The following TYR variants were observed in gnomAD, a reference collection of about 807,000 sequenced individuals.
The protein encoded by TYR is LB24-AB.
A neutral mutation model predicts 51.5 loss-of-function variants in TYR; 58 were observed. The observed-to-expected ratio is 1.13, with a 90% CI of 0.91 to 1.40. The LOEUF (loss-of-function observed/expected upper bound fraction) is 1.40, where lower values mean the gene tolerates loss of function less well. Among genes scored for constraint, TYR ranks in the 40% most tolerant of loss-of-function variants. The pLI, the probability that TYR is intolerant of heterozygous loss-of-function variation, is 0.00. For synonymous variants in TYR, 263 were observed against 235.2 expected, an observed-to-expected ratio of 1.12 and a Z score of -1.08; for missense variants, 732 against 647.4, an observed-to-expected ratio of 1.13 and a Z score of -1.42.
intron 3 of TYR, among the ~76,000 whole-genome samples, chr11:89,276,751 A>G (rs1209004771): frequency 6.6e-6 from 1 of 151,748 alleles, no homozygotes; most frequent in Non-Finnish European, 1.5e-5. Flanking sequence ...GAAAATCTAC[A>G]CATCAGACTT....
intron 3 of TYR, among the ~76,000 whole-genome samples, chr11:89,255,344 T>C (rs1412064881): frequency 6.6e-6 from 1 of 151,726 alleles, no homozygotes; most frequent in Non-Finnish European, 1.5e-5. Context: ...TTCTAGGGTA[T>C]AGTTTAAATC....
intron 2 of TYR, among the ~76,000 whole-genome samples, chr11:89,215,795 A>C (rs940711918): frequency 1.3e-5 from 2 of 152,108 alleles, no homozygotes; most frequent in African/African-American, 4.8e-5. Context: ...ATTTTTGGAG[A>C]GAGATCATTA....
intron 2 of TYR, among the ~76,000 whole-genome samples, chr11:89,207,904 A>G (rs1227683470): frequency 6.6e-6 from 1 of 152,224 alleles, no homozygotes; most frequent in African/African-American, 2.4e-5. Context: ...GGGAAATTGA[A>G]TAAGGAGCAC....
rs149149972 is a variant in TYR at position 89,269,959 on chromosome 11, T to C, written c.1185-14814T>C. On this transcript the variant is annotated intron_variant, in intron 3 of 4. Coordinates refer to ENST00000263321, the MANE Select transcript of TYR (RefSeq NM_000372.5). The stretch of plus-strand genomic sequence containing the variant: ...AAAGTAGGCTGTCTATCTACTACCG[T>C]GTTGCTCCCTTTGAGCTCCCAAACT... Among the ~76,000 whole-genome samples, 166 of 152,056 alleles carry C rather than the reference T, an allele frequency of 1.1e-3. 3 individuals carry two copies. The East Asian group carries it at 0.027, about 25-fold the overall frequency.
intron 3 of TYR, among the ~76,000 whole-genome samples, chr11:89,241,841 C>A (rs1422749961): frequency 6.8e-6 from 1 of 147,022 alleles, no homozygotes; most frequent in African/African-American, 2.5e-5. Context: ...ATATATATTT[C>A]ATATTAATAT....
At chr11:89,247,464 T>C (rs1944281202) in intron 3 of TYR, among the ~76,000 whole-genome samples, 1 of 152,220 alleles carries the variant, frequency 6.6e-6, no homozygotes, top group Non-Finnish European at 1.5e-5. Flanking sequence ...GTACTATAAC[T>C]AACAACCTAA....
intron 2 of TYR, among the ~76,000 whole-genome samples, chr11:89,217,948 G>T (rs547196378): frequency 6.6e-6 from 1 of 152,158 alleles, no homozygotes; most frequent in South Asian, 2.1e-4. Flanking sequence ...CATGTTTTAT[G>T]GGTGAATAGT....
rs767100084 is a variant in TYR, at chr11:89,292,039, CT to C, written c.1367-3095del. Among the ~76,000 whole-genome samples the C allele has an allele frequency of 2.3e-4, 35 of 151,180 alleles. 1 individual carries two copies. Among genetic ancestry groups the C allele is most frequent in the African/African-American group, 6.3e-4 (26 of 41,250 alleles). On this transcript the variant is annotated intron_variant, in intron 4 of 4. Coordinates refer to ENST00000263321, the MANE Select transcript of TYR (RefSeq NM_000372.5). ...CATTACTTTTCTATTGGAATTAAGACTTTTTTTTTCATTTTAAAGCACCCAT... is the reference window on the plus strand; with the variant it reads ...CATTACTTTTCTATTGGAATTAAGACTTTTTTTTCATTTTAAAGCACCCAT...
intron 2 of TYR, among the ~76,000 whole-genome samples, chr11:89,225,481 T>C (rs1269796381): frequency 6.6e-6 from 1 of 151,822 alleles, no homozygotes; most frequent in African/African-American, 2.4e-5. Flanking sequence ...ATCTCCTTAA[T>C]CCTCACTAAT....
chr11:89,188,728 G>A (rs59533128), intron 1 of TYR, among the ~76,000 whole-genome samples: 11,566 of 150,748 alleles, frequency 0.077, 532 homozygotes, highest in African/African-American at 0.13. Context: ...ATTTCATTAA[G>A]ATAATGAAGA....
chr11:89,214,470 G>A (rs1363924019), intron 2 of TYR, among the ~76,000 whole-genome samples: 1 of 152,184 alleles, frequency 6.6e-6, no homozygotes, highest in Admixed American at 6.5e-5. Context: ...GGAAGAGAGT[G>A]TGACGATTCC....
chr11:89,191,464 T>G (rs779061715), intron 2 of TYR, 46 bp downstream of exon 2: 1 of 1,556,846 alleles, frequency 6.4e-7, no homozygotes, highest in Non-Finnish European at 8.9e-7. Context: ...GAATTCATAT[T>G]TACAGTCTCT....
chr11:89,187,642 C>G (rs1057149664), intron 1 of TYR, among the ~76,000 whole-genome samples: 2 of 152,014 alleles, frequency 1.3e-5, no homozygotes, highest in Non-Finnish European at 2.9e-5. Context: ...ATTAACTCCC[C>G]CCGTTTTATA....
chr11:89,240,904 G>T (rs1944184415), intron 3 of TYR, among the ~76,000 whole-genome samples: 2 of 152,234 alleles, frequency 1.3e-5, no homozygotes, highest in African/African-American at 4.8e-5. Context: ...TTTGACAAGG[G>T]ACTCTAAGCT....
intron 2 of TYR, among the ~76,000 whole-genome samples, chr11:89,214,251 C>T (rs1943802637): frequency 6.6e-6 from 1 of 152,172 alleles, no homozygotes; most frequent in Non-Finnish European, 1.5e-5. Context: ...CAAAATAAGA[C>T]ATTTATGCAG....
At chr11:89,287,962 A>T (rs777238887) in intron 4 of TYR, among the ~76,000 whole-genome samples, 20 of 151,928 alleles carry the variant, frequency 1.3e-4, no homozygotes, top group Non-Finnish European at 2.5e-4. Context: ...GATGAAGGAG[A>T]TTAGGAATGG....
chr11:89,180,626 C>A (rs1943289169), intron 1 of TYR, among the ~76,000 whole-genome samples: 1 of 151,178 alleles, frequency 6.6e-6, no homozygotes, highest in East Asian at 1.9e-4. Flanking sequence ...CAACCTTGTT[C>A]TATGATTAAA....
chr11:89,222,448 A>G (rs571214736), intron 2 of TYR, among the ~76,000 whole-genome samples: 19 of 152,298 alleles, frequency 1.2e-4, no homozygotes, highest in African/African-American at 4.6e-4. Context: ...GCAATTTTCT[A>G]TTGTTGGGTG....
chr11:89,262,846 C>CTAAAAAAAAA (rs1186728580), intron 3 of TYR, among the ~76,000 whole-genome samples: 4 of 34,214 alleles, frequency 1.2e-4, no homozygotes, highest in African/African-American at 3.0e-4. Context: ...AGCTACTCAT[C>CTAAAAAAAAA]CAAAAAAAAA....
Sources: gnomAD v4.1 joint callset for allele counts (sites outside exome capture counted in the v4.1 genomes callset) on GRCh38, gnomAD v4.1.1 for gene constraint, MANE v1.5 for transcripts, NCBI Gene and HGNC (gene_info 2026-07-23, HGNC 2026-07-21) for gene names.